MYLK4: variants seen among roughly 807,000 people sequenced by gnomAD.
The protein encoded by MYLK4 is myosin light chain kinase family member 4, also known as caMLCK like.
A neutral mutation model predicts 48.1 loss-of-function variants in MYLK4; 46 were observed. That is an observed-to-expected ratio of 0.96 (90% confidence interval 0.75 to 1.22). MYLK4 has a LOEUF of 1.22. MYLK4 is among the 50% of genes most tolerant of loss of function. The pLI is 0.00. For missense variants in MYLK4, 451 were observed against 486.1 expected, an observed-to-expected ratio of 0.93 and a Z score of 0.68; for synonymous variants, 170 against 180.8, an observed-to-expected ratio of 0.94 and a Z score of 0.48.
intron 2 of MYLK4, among the ~76,000 whole-genome samples, chr6:2,701,065 G>A (rs1297618854): frequency 6.6e-6 from 1 of 152,154 alleles, no homozygotes; most frequent in Non-Finnish European, 1.5e-5. Context: ...TGGAATCACA[G>A]CTCCTCATGT....
intron 11 of MYLK4, among the ~76,000 whole-genome samples, chr6:2,674,741 C>T (rs1336617210): frequency 6.6e-6 from 1 of 152,100 alleles, no homozygotes; most frequent in Non-Finnish European, 1.5e-5. Context: ...CATGGTGGCA[C>T]ACGCCTGTAA....
the MYLK4 span, among the ~76,000 whole-genome samples, chr6:2,769,116 G>A: frequency 3.3e-5 from 5 of 152,088 alleles, no homozygotes; most frequent in Non-Finnish European, 5.9e-5. Context: ...TGAGCTATAC[G>A]TATCAGAAAA....
intron 2 of MYLK4, among the ~76,000 whole-genome samples, chr6:2,746,198 C>G (rs1364184031): frequency 2.7e-5 from 4 of 150,386 alleles, no homozygotes. Context: ...ACCTGGGAGA[C>G]GGAGGTTGCA....
At chr6:2,721,820 C>T (rs578124793) in intron 2 of MYLK4, among the ~76,000 whole-genome samples, 7 of 152,300 alleles carry the variant, frequency 4.6e-5, no homozygotes, top group African/African-American at 1.7e-4. Flanking sequence ...CACAAAAGAT[C>T]AGGATTCTGA....
At chr6:2,714,583 T>C (rs961489239) in intron 2 of MYLK4, among the ~76,000 whole-genome samples, 6 of 152,200 alleles carry the variant, frequency 3.9e-5, no homozygotes, top group Admixed American at 3.9e-4. Context: ...AGAATTATCA[T>C]ATGACCCAGC....
rs566363765 is a variant in MYLK4, at chr6:2,711,488, A to G, written c.160-18629T>C. On this transcript the variant is annotated intron_variant, in intron 2 of 12. Coordinates refer to ENST00000274643, the MANE Select transcript of MYLK4 (RefSeq NM_001012418.5). ...AATTACTTCAGAATCTCCTCATTAAATGTTCTTGCCTATGGCTCAATAAAG... is the reference window on the plus strand; with the variant it reads ...AATTACTTCAGAATCTCCTCATTAAGTGTTCTTGCCTATGGCTCAATAAAG... 1.6e-4 allele frequency among the ~76,000 whole-genome samples: 25 copies of G among 152,318 alleles called. No individual in the cohort carries two copies. The South Asian group carries it at 5.0e-3, about 30-fold the overall frequency.
chr6:2,770,068 G>C, the MYLK4 span: 1 of 1,609,404 alleles, frequency 6.2e-7, no homozygotes, highest in Non-Finnish European at 8.5e-7. Flanking sequence ...ATAGGATTCT[G>C]CAGGTGGCTG....
At chr6:2,739,164 C>T (rs775824800) in intron 2 of MYLK4, among the ~76,000 whole-genome samples, 7 of 152,154 alleles carry the variant, frequency 4.6e-5, no homozygotes, top group Non-Finnish European at 7.4e-5. Flanking sequence ...AAGAATTCTA[C>T]CAACTTCGGC....
At chr6:2,678,114 A>T in intron 10 of MYLK4, 106 bp downstream of exon 10, 1 of 1,390,398 alleles carries the variant, frequency 7.2e-7, no homozygotes, top group East Asian at 2.3e-5. Context: ...ACTTTGCGCA[A>T]GCATCACAGA....
At chr6:2,728,113 T>C (rs1335607162) in intron 2 of MYLK4, among the ~76,000 whole-genome samples, 1 of 152,154 alleles carries the variant, frequency 6.6e-6, no homozygotes, top group Non-Finnish European at 1.5e-5. Flanking sequence ...ACAAGGTCAC[T>C]GAGGCAGTAG....
At position 2,680,311 on chromosome 6, in the gene MYLK4, C is replaced by T. The variant is rs765747668; in HGVS notation, c.688-20G>A. On this transcript the variant is annotated intron_variant, in intron 7 of 12. Transcript: ENST00000274643. ...CTCAGGCTGCCAGGAGAAAGAGACACATTAGCAATGAAAACAACCATCATT... is the reference window on the plus strand; with the variant it reads ...CTCAGGCTGCCAGGAGAAAGAGACATATTAGCAATGAAAACAACCATCATT... The T allele has an allele frequency of 1.2e-6, 2 of 1,613,468 alleles. No individual in the cohort carries two copies. Among genetic ancestry groups the T allele is most frequent in the East Asian group, 2.2e-5 (1 of 44,888 alleles).
At chr6:2,697,618 A>G (rs1762111697) in intron 2 of MYLK4, among the ~76,000 whole-genome samples, 1 of 152,222 alleles carries the variant, frequency 6.6e-6, no homozygotes, top group Non-Finnish European at 1.5e-5. Context: ...AATTCATTCA[A>G]CTGAACAACA....
the MYLK4 span, among the ~76,000 whole-genome samples, chr6:2,762,281 T>G: frequency 6.6e-6 from 1 of 152,224 alleles, no homozygotes; most frequent in Admixed American, 6.5e-5. Flanking sequence ...AACAATAAAG[T>G]TGGACGTAAA....
At chr6:2,690,850 GACC>G (rs1761759229) in intron 3 of MYLK4, among the ~76,000 whole-genome samples, 1 of 66,518 alleles carries the variant, frequency 1.5e-5, no homozygotes, top group Non-Finnish European at 2.6e-5. Context: ...TTTTTTTTGA[GACC>G]GAGTCTCGCT....
At chr6:2,717,118 T>C (rs1456517557) in intron 2 of MYLK4, among the ~76,000 whole-genome samples, 1 of 152,216 alleles carries the variant, frequency 6.6e-6, no homozygotes, top group East Asian at 1.9e-4. Flanking sequence ...TAGCAGCCAC[T>C]GCAGGCAAGG....
At chr6:2,763,347 C>T in the MYLK4 span, among the ~76,000 whole-genome samples, 2 of 152,248 alleles carry the variant, frequency 1.3e-5, no homozygotes, top group Non-Finnish European at 2.9e-5. Context: ...CATTGCTCAG[C>T]TCTGGGGTGG....
chr6:2,743,181 A>C (rs1208571445), intron 2 of MYLK4, among the ~76,000 whole-genome samples: 7 of 152,178 alleles, frequency 4.6e-5, no homozygotes, highest in Non-Finnish European at 2.9e-5. Flanking sequence ...AAGGCTGAGA[A>C]ACACCGCCAT....
the MYLK4 span, among the ~76,000 whole-genome samples, chr6:2,767,005 T>C: frequency 6.6e-6 from 1 of 152,370 alleles, no homozygotes; most frequent in South Asian, 2.1e-4. Flanking sequence ...TTACTAAATA[T>C]ACTCATGTAT....
intron 2 of MYLK4, among the ~76,000 whole-genome samples, chr6:2,704,597 T>C (rs1762419879): frequency 6.6e-6 from 1 of 152,262 alleles, no homozygotes; most frequent in Non-Finnish European, 1.5e-5. Context: ...GTAACTTCTT[T>C]AGCATGCTTT....
Sources: gnomAD v4.1 joint callset for allele counts (sites outside exome capture counted in the v4.1 genomes callset) on GRCh38, gnomAD v4.1.1 for gene constraint, MANE v1.5 for transcripts, NCBI Gene and HGNC (gene_info 2026-07-23, HGNC 2026-07-21) for gene names.